Variants in PTK2 observed in about 807,000 individuals in gnomAD.
The protein encoded by PTK2 is protein tyrosine kinase 2, also known as focal adhesion kinase 1.
PTK2 carries 45 observed loss-of-function variants against 150.1 expected under a neutral mutation model. The ratio of observed to expected loss-of-function variants is 0.30; its 90% CI spans 0.24 to 0.38. PTK2 has a LOEUF of 0.38. PTK2 is among the 10% of genes least tolerant of loss of function. The pLI, the probability that PTK2 is intolerant of heterozygous loss-of-function variation, is 1.00. For synonymous variants in PTK2, 432 were observed against 449.2 expected, an observed-to-expected ratio of 0.96 and a Z score of 0.48; for missense variants, 919 against 1,307.3, an observed-to-expected ratio of 0.70 and a Z score of 4.58.
At chr8:140,876,382 ATAT>A (rs1567987538) in intron 4 of PTK2, among the ~76,000 whole-genome samples, 1 of 152,242 alleles carries the variant, frequency 6.6e-6, no homozygotes, top group Non-Finnish European at 1.5e-5. Context: ...TACTTTGAAC[ATAT>A]TATCCCACTA....
chr8:140,688,614 A>G (rs2100021349), intron 26 of PTK2, among the ~76,000 whole-genome samples: 1 of 151,964 alleles, frequency 6.6e-6, no homozygotes, highest in Non-Finnish European at 1.5e-5. Context: ...CAGCTACTGG[A>G]GAGGCTGAGG....
intron 14 of PTK2, among the ~76,000 whole-genome samples, chr8:140,777,786 A>G (rs1391290165): frequency 6.6e-6 from 1 of 152,210 alleles, no homozygotes; most frequent in African/African-American, 2.4e-5. Flanking sequence ...ATGACATCAG[A>G]GAGCTGAAAA....
intron 1 of PTK2, among the ~76,000 whole-genome samples, chr8:140,990,626 A>C (rs2100195358): frequency 6.6e-6 from 1 of 152,286 alleles, no homozygotes; most frequent in South Asian, 2.1e-4. Flanking sequence ...TGAGCTGCAC[A>C]GTTGAGTGAA....
chr8:140,749,830 C>G (rs2100061658), intron 17 of PTK2, among the ~76,000 whole-genome samples: 1 of 152,178 alleles, frequency 6.6e-6, no homozygotes, highest in African/African-American at 2.4e-5. Flanking sequence ...AGTAACCTCT[C>G]AGAGAAGAAA....
chr8:140,830,506 C>T (rs770081426), exon 8 of PTK2: 5 of 1,537,110 alleles, frequency 3.3e-6, no homozygotes, highest in Non-Finnish European at 4.4e-6. Flanking sequence ...AGGAAAAAAT[C>T]GCTTTAAACC....
intron 2 of PTK2, among the ~76,000 whole-genome samples, chr8:140,917,974 T>C (rs147072578): frequency 2.6e-4 from 40 of 152,352 alleles, no homozygotes; most frequent in African/African-American, 9.4e-4. Flanking sequence ...TCTTAGGTAT[T>C]TTTCTGTGCA....
intron 8 of PTK2, among the ~76,000 whole-genome samples, chr8:140,820,149 G>C (rs566164593): frequency 2.3e-5 from 3 of 132,700 alleles, no homozygotes; most frequent in Admixed American, 8.8e-5. Context: ...GCCCAGACTG[G>C]AGTGCGGTGG....
intron 29 of PTK2, among the ~76,000 whole-genome samples, chr8:140,673,183 T>C (rs1018798252): frequency 6.6e-6 from 1 of 151,956 alleles, no homozygotes; most frequent in Non-Finnish European, 1.5e-5. Flanking sequence ...TCTTGACTCA[T>C]TGCAACCTCC....
intron 1 of PTK2, among the ~76,000 whole-genome samples, chr8:140,965,389 C>T (rs2100184878): frequency 6.6e-6 from 1 of 152,154 alleles, no homozygotes; most frequent in Non-Finnish European, 1.5e-5. Flanking sequence ...ATGCCCCTCT[C>T]CTGCACTCCA....
At chr8:140,932,406 G>C (rs1340828684) in intron 1 of PTK2, among the ~76,000 whole-genome samples, 1 of 151,726 alleles carries the variant, frequency 6.6e-6, no homozygotes, top group Admixed American at 6.6e-5. Flanking sequence ...AGTAGAGAGG[G>C]GGTTTCACCA....
In PTK2 at chr8:140,894,723, G is replaced by C. The variant is rs1017102008; in HGVS notation, c.-32-3954C>G. Among the ~76,000 whole-genome samples, 4 of 152,206 alleles carry C rather than the reference G, an allele frequency of 2.6e-5. No individual in the cohort carries two copies. The East Asian group carries it at 7.7e-4, about 29-fold the overall frequency. ...CATATGTGCAAAATAACCCCACAAA[G>C]TAGAAATGGGAGTCCATTGAGACTG... On this transcript the variant is annotated intron_variant, in intron 2 of 31. Transcript: ENST00000522684.
intron 18 of PTK2, among the ~76,000 whole-genome samples, chr8:140,745,376 A>G (rs2100058111): frequency 6.6e-6 from 1 of 152,242 alleles, no homozygotes; most frequent in African/African-American, 2.4e-5. Context: ...GGCAGACACA[A>G]TTAATACCCT....
At chr8:140,771,921 A>G (rs2100075708) in intron 14 of PTK2, among the ~76,000 whole-genome samples, 1 of 151,024 alleles carries the variant, frequency 6.6e-6, no homozygotes, top group Non-Finnish European at 1.5e-5. Flanking sequence ...CTGGGATTAC[A>G]GGCGCCTGCT....
intron 27 of PTK2, among the ~76,000 whole-genome samples, chr8:140,681,798 A>G (rs892942854): frequency 6.6e-6 from 1 of 152,180 alleles, no homozygotes; most frequent in Non-Finnish European, 1.5e-5. Context: ...GTTGGTCCTA[A>G]AACGTTAGGA....
chr8:140,901,613 A>G (rs920161416), intron 2 of PTK2, among the ~76,000 whole-genome samples: 35 of 151,984 alleles, frequency 2.3e-4, no homozygotes, highest in Non-Finnish European at 3.2e-4. Context: ...ATCATGCTCA[A>G]TGAACTCCAG....
intron 10 of PTK2, among the ~76,000 whole-genome samples, chr8:140,810,962 C>G (rs1048845737): frequency 3.9e-5 from 6 of 152,230 alleles, no homozygotes; most frequent in Non-Finnish European, 5.9e-5. Context: ...GGCAACCCCC[C>G]ACCCAAACCG....
chr8:140,706,571 T>C (rs564328028), intron 23 of PTK2, among the ~76,000 whole-genome samples: 1 of 152,102 alleles, frequency 6.6e-6, no homozygotes, highest in African/African-American at 2.4e-5. Flanking sequence ...TTTGGGAGGC[T>C]GGGGTGGGCG....
chr8:140,697,319 A>C (rs1769485738), intron 26 of PTK2, among the ~76,000 whole-genome samples: 1 of 151,858 alleles, frequency 6.6e-6, no homozygotes, highest in Admixed American at 6.6e-5. Flanking sequence ...AAACAAACAA[A>C]AAAAAAAACA....
chr8:140,871,583 C>T (rs1483274887), intron 4 of PTK2, among the ~76,000 whole-genome samples: 2 of 152,184 alleles, frequency 1.3e-5, no homozygotes, highest in Non-Finnish European at 2.9e-5. Flanking sequence ...AGGACTGCTT[C>T]AGCCCAGGAG....
Sources: allele counts gnomAD v4.1 joint callset (sites outside exome capture counted in the v4.1 genomes callset), GRCh38; gene constraint gnomAD v4.1.1; transcripts MANE v1.5; gene names NCBI Gene and HGNC (gene_info 2026-07-23, HGNC 2026-07-21).